FRMD3: variants seen among roughly 807,000 people sequenced by gnomAD.
FRMD3 encodes the protein FERM domain containing 3.
In FRMD3, 33 loss-of-function variants were observed where a neutral mutation model predicts 70.2. The ratio of observed to expected loss-of-function variants is 0.47; its 90% confidence interval spans 0.36 to 0.63. The LOEUF is 0.63. Ranked by LOEUF, FRMD3 falls within the 20% of genes least tolerant of loss-of-function variation. The pLI is 0.00. For missense variants in FRMD3, 632 were observed against 711.4 expected, an observed-to-expected ratio of 0.89 and a Z score of 1.27; for synonymous variants, 279 against 255.9, an observed-to-expected ratio of 1.09 and a Z score of -0.86.
intron 3 of FRMD3, among the ~76,000 whole-genome samples, chr9:83,356,930 C>T (rs1052106540): frequency 6.6e-6 from 1 of 151,552 alleles, no homozygotes; most frequent in Non-Finnish European, 1.5e-5. Flanking sequence ...TCCGTCATAT[C>T]ATTTTTATGC....
chr9:83,364,786 T>C (rs372465574), intron 3 of FRMD3, among the ~76,000 whole-genome samples: 1 of 152,224 alleles, frequency 6.6e-6, no homozygotes, highest in African/African-American at 2.4e-5. Flanking sequence ...ATTAATCCTG[T>C]GAATTGTGTG....
chr9:83,405,297 A>G (rs934604771), intron 1 of FRMD3, among the ~76,000 whole-genome samples: 1 of 152,250 alleles, frequency 6.6e-6, no homozygotes, highest in South Asian at 2.1e-4. Flanking sequence ...CTCAGACCCA[A>G]GCTGAGGCAG....
At chr9:83,563,043 C>T in the FRMD3 span, among the ~76,000 whole-genome samples, 20 of 151,064 alleles carry the variant, frequency 1.3e-4, no homozygotes, top group Admixed American at 1.2e-3. Flanking sequence ...GAAACTGAGA[C>T]GCAAAGATAC....
the FRMD3 span, among the ~76,000 whole-genome samples, chr9:83,544,654 G>A: frequency 3.3e-5 from 5 of 152,164 alleles, no homozygotes; most frequent in Non-Finnish European, 7.3e-5. Context: ...ACTAGGGACC[G>A]AGATAAGTTT....
intron 13 of FRMD3, among the ~76,000 whole-genome samples, chr9:83,253,086 C>A (rs1187202162): frequency 6.6e-6 from 1 of 152,190 alleles, no homozygotes; most frequent in East Asian, 1.9e-4. Context: ...CTTATTGCCA[C>A]ATGAGACTTA....
intron 13 of FRMD3, among the ~76,000 whole-genome samples, chr9:83,280,350 A>G (rs1003380955): frequency 4.3e-4 from 65 of 152,236 alleles, no homozygotes; most frequent in Non-Finnish European, 1.5e-5. Flanking sequence ...GCACCTGTGT[A>G]TATTGGAGAC....
chr9:83,300,519 G>A (rs1834870135), intron 10 of FRMD3, among the ~76,000 whole-genome samples: 1 of 152,174 alleles, frequency 6.6e-6, no homozygotes, highest in Non-Finnish European at 1.5e-5. Flanking sequence ...CATACAGAGT[G>A]ATATAATGGA....
At chr9:83,305,530 C>T (rs1356002626) in intron 10 of FRMD3, among the ~76,000 whole-genome samples, 1 of 152,180 alleles carries the variant, frequency 6.6e-6, no homozygotes, top group Non-Finnish European at 1.5e-5. Flanking sequence ...AAAGCTCACA[C>T]TCATTACACT....
intron 2 of FRMD3, among the ~76,000 whole-genome samples, chr9:83,378,595 A>T (rs918623025): frequency 7.6e-6 from 1 of 130,784 alleles, no homozygotes; most frequent in Non-Finnish European, 1.6e-5. Context: ...TATATACAAT[A>T]TACATATAAA....
intron 6 of FRMD3, among the ~76,000 whole-genome samples, chr9:83,334,116 C>A (rs74488124): frequency 0.032 from 4,917 of 152,180 alleles, 142 homozygotes; most frequent in Admixed American, 0.05. Flanking sequence ...GGATTCTCAC[C>A]CTGTGCTCCC....
chr9:83,321,607 A>G (rs1031806445), intron 6 of FRMD3, among the ~76,000 whole-genome samples: 5 of 151,682 alleles, frequency 3.3e-5, no homozygotes, highest in African/African-American at 1.2e-4. Context: ...TATATGGTCT[A>G]TCTTGGAGAT....
At chr9:83,375,758 A>G (rs2131264186) in intron 2 of FRMD3, among the ~76,000 whole-genome samples, 1 of 152,328 alleles carries the variant, frequency 6.6e-6, no homozygotes, top group East Asian at 1.9e-4. Flanking sequence ...AGGCAAAATA[A>G]CTAATGGGAA....
intron 1 of FRMD3, among the ~76,000 whole-genome samples, chr9:83,425,734 C>A (rs537486973): frequency 0.038 from 5,740 of 151,828 alleles, 185 homozygotes; most frequent in East Asian, 0.16. Flanking sequence ...GATGAAACCC[C>A]CATCTCTACT....
In FRMD3 at chr9:83,377,539, G is replaced by A. The variant is rs185623777; in HGVS notation, c.253-4584C>T. ...CACAGGAGCAGATTTCTCATTAATG[G>A]TTTAGCACCTTCCTCTTGGTGCTGT... On this transcript the variant is annotated intron_variant, in intron 2 of 13. Coordinates refer to ENST00000304195, the MANE Select transcript of FRMD3 (RefSeq NM_174938.6). 2.0e-3 allele frequency among the ~76,000 whole-genome samples: 312 copies of A among 152,264 alleles called. 1 individual carries two copies. Among genetic ancestry groups the A allele is most frequent in the Middle Eastern group, 0.02 (6 of 294 alleles).
At chr9:83,446,569 A>C (rs12555614) in intron 1 of FRMD3, among the ~76,000 whole-genome samples, 84,895 of 149,348 alleles carry the variant, frequency 0.57, 25,447 homozygotes, top group African/African-American at 0.78. Context: ...ATGGCGTGAA[A>C]CGGGGAGGCA....
chr9:83,393,108 GA>G (rs1209148023), intron 1 of FRMD3, among the ~76,000 whole-genome samples: 18 of 152,308 alleles, frequency 1.2e-4, no homozygotes, highest in Admixed American at 9.1e-4. Context: ...ATAGACTTTT[GA>G]TGCTGTCTCT....
chr9:83,346,729 G>T (rs1247520708), intron 4 of FRMD3, among the ~76,000 whole-genome samples: 2 of 152,098 alleles, frequency 1.3e-5, no homozygotes, highest in Non-Finnish European at 2.9e-5. Flanking sequence ...CTCAAAATTT[G>T]GCATGCTTCA....
intron 1 of FRMD3, among the ~76,000 whole-genome samples, chr9:83,503,521 A>G (rs760763148): frequency 1.3e-5 from 2 of 152,172 alleles, no homozygotes; most frequent in Non-Finnish European, 2.9e-5. Flanking sequence ...TTTCAGTGAA[A>G]AGCCCAGCTC....
Position 83,310,479 on chromosome 9 carries a change from T to A in FRMD3, c.837+6A>T. 6.2e-7 allele frequency: 1 copy of A among 1,605,676 alleles called. No homozygotes were observed. The highest frequency in any genetic ancestry group is 1.1e-5 in the South Asian group (1 of 89,360). On this transcript the variant is annotated splice_donor_region_variant and intron_variant, in intron 9 of 13. Coordinates refer to ENST00000304195, the MANE Select transcript of FRMD3 (RefSeq NM_174938.6). ...AACAGGCAGTTAAAAAAAAGCAGTA[T>A]CTGACCTCCTTCTGGGTGCCAATCA...
Sources: allele counts gnomAD v4.1 joint callset (sites outside exome capture counted in the v4.1 genomes callset), GRCh38; gene constraint gnomAD v4.1.1; transcripts MANE v1.5; gene names NCBI Gene and HGNC (gene_info 2026-07-23, HGNC 2026-07-21).